The following CNTNAP2 variants were observed in gnomAD, a reference collection of about 807,000 sequenced individuals.
The protein encoded by CNTNAP2 is contactin-associated protein-like 2.
Under a neutral mutation model 155.2 loss-of-function variants are expected in CNTNAP2, and 98 were observed. The observed-to-expected ratio is 0.63, with a 90% CI of 0.54 to 0.75. CNTNAP2 has a LOEUF of 0.75. Among genes scored for constraint, CNTNAP2 ranks in the 30% least tolerant of loss-of-function variants. The pLI is 0.00. For synonymous variants in CNTNAP2, 651 were observed against 631.2 expected, an observed-to-expected ratio of 1.03 and a Z score of -0.47; for missense variants, 1,727 against 1,688.1, an observed-to-expected ratio of 1.02 and a Z score of -0.40.
intron 1 of CNTNAP2, among the ~76,000 whole-genome samples, chr7:146,421,803 A>T (rs1205288651): frequency 1.3e-5 from 2 of 151,950 alleles, no homozygotes; most frequent in Non-Finnish European, 2.9e-5. Context: ...TCTTTCACAG[A>T]AGTAACTAAA....
intron 1 of CNTNAP2, among the ~76,000 whole-genome samples, chr7:146,754,534 GTCTCTCTC>G (rs71525968): frequency 4.9e-5 from 7 of 143,342 alleles, no homozygotes; most frequent in Non-Finnish European, 1.1e-4. Flanking sequence ...GGTTGTTAGA[GTCTCTCTC>G]TCTCTCTCTC....
At chr7:146,569,970 A>G (rs1798416405) in intron 1 of CNTNAP2, among the ~76,000 whole-genome samples, 1 of 152,174 alleles carries the variant, frequency 6.6e-6, no homozygotes. Context: ...CCCAAGGCCT[A>G]TTTCAGGGGC....
chr7:147,034,563 C>T (rs1799109999), intron 3 of CNTNAP2, among the ~76,000 whole-genome samples: 1 of 152,214 alleles, frequency 6.6e-6, no homozygotes. Flanking sequence ...CCCTGCCTTA[C>T]TGCAAGGACA....
chr7:146,373,293 C>T (rs1168461021), intron 1 of CNTNAP2, among the ~76,000 whole-genome samples: 1 of 152,102 alleles, frequency 6.6e-6, no homozygotes, highest in Non-Finnish European at 1.5e-5. Context: ...TTTGGTGCCT[C>T]GCCTTAAGCC....
At chr7:146,292,453 A>C (rs1342942637) in intron 1 of CNTNAP2, among the ~76,000 whole-genome samples, 1 of 152,210 alleles carries the variant, frequency 6.6e-6, no homozygotes, top group Non-Finnish European at 1.5e-5. Context: ...TTAAAAAATG[A>C]GTGTTATCAA....
intron 13 of CNTNAP2, among the ~76,000 whole-genome samples, chr7:147,902,341 A>G (rs1248093709): frequency 1.3e-5 from 2 of 152,188 alleles, no homozygotes; most frequent in African/African-American, 4.8e-5. Context: ...TGTGATATAT[A>G]CTTTTGAAAA....
chr7:146,932,203 A>T (rs890800230), intron 3 of CNTNAP2, among the ~76,000 whole-genome samples: 16 of 152,332 alleles, frequency 1.1e-4, no homozygotes, highest in African/African-American at 3.8e-4. Flanking sequence ...ATATTGGCAA[A>T]CTGAATCCAG....
intron 1 of CNTNAP2, among the ~76,000 whole-genome samples, chr7:146,193,377 G>A (rs1382007986): frequency 6.6e-6 from 1 of 152,188 alleles, no homozygotes; most frequent in Non-Finnish European, 1.5e-5. Flanking sequence ...ACCTGGACAT[G>A]CAAGGGTTTC....
chr7:147,312,417 CG>C (rs1795144072), intron 9 of CNTNAP2, among the ~76,000 whole-genome samples: 1 of 136,382 alleles, frequency 7.3e-6, no homozygotes, highest in Non-Finnish European at 1.5e-5. Context: ...CCCCCTCCCC[CG>C]ACCCCACAAC....
chr7:146,147,800 A>G (rs1297995810), intron 1 of CNTNAP2, among the ~76,000 whole-genome samples: 1 of 152,148 alleles, frequency 6.6e-6, no homozygotes, highest in Non-Finnish European at 1.5e-5. Flanking sequence ...CCATTAGGAA[A>G]TTTCATTTTC....
intron 3 of CNTNAP2, among the ~76,000 whole-genome samples, chr7:146,857,976 C>T (rs185294776): frequency 1.3e-5 from 2 of 152,140 alleles, no homozygotes; most frequent in African/African-American, 4.8e-5. Flanking sequence ...CTCAAAAGCA[C>T]CAACAAGTCA....
intron 1 of CNTNAP2, among the ~76,000 whole-genome samples, chr7:146,565,386 A>ATT (rs983543439): frequency 6.7e-6 from 1 of 149,144 alleles, no homozygotes; most frequent in African/African-American, 2.5e-5. Flanking sequence ...ATTCATAGCC[A>ATT]TTTTTTTTTT....
At position 146,368,941 on chromosome 7, in the gene CNTNAP2, C is replaced by T. The variant is rs191999627; in HGVS notation, c.97+251968C>T. Among the ~76,000 whole-genome samples, 13 of 149,018 alleles carry T rather than the reference C, an allele frequency of 8.7e-5. No individual in the cohort carries two copies. In the East Asian group the frequency reaches 2.5e-3, roughly 29 times the overall value. On this transcript the variant is annotated intron_variant, in intron 1 of 23. Transcript: ENST00000361727. ...ACTTGTGTTATTGAATTAAGCCAGC[C>T]AGTCAAAAGCTTGAAATTAAACATA...
chr7:147,624,629 G>A (rs1429927138), intron 12 of CNTNAP2, among the ~76,000 whole-genome samples: 2 of 152,090 alleles, frequency 1.3e-5, no homozygotes, highest in Non-Finnish European at 2.9e-5. Context: ...TGAGGATATG[G>A]GGAACAGGAA....
chr7:147,778,877 G>T (rs1797625812), intron 13 of CNTNAP2, among the ~76,000 whole-genome samples: 1 of 152,090 alleles, frequency 6.6e-6, no homozygotes, highest in South Asian at 2.1e-4. Flanking sequence ...ACAAACATAG[G>T]AATTTTCTTA....
At chr7:146,929,831 G>A (rs985781148) in intron 3 of CNTNAP2, among the ~76,000 whole-genome samples, 1 of 152,306 alleles carries the variant, frequency 6.6e-6, no homozygotes. Context: ...CCGGAAGAAA[G>A]GGTATCAGTG....
intron 1 of CNTNAP2, among the ~76,000 whole-genome samples, chr7:146,388,075 T>C (rs1279336537): frequency 2.0e-5 from 3 of 151,754 alleles, no homozygotes; most frequent in Non-Finnish European, 4.4e-5. Flanking sequence ...TCTCTTGATA[T>C]GTTTTAGTTT....
intron 1 of CNTNAP2, among the ~76,000 whole-genome samples, chr7:146,315,318 C>T (rs552937308): frequency 6.6e-6 from 1 of 152,224 alleles, no homozygotes; most frequent in South Asian, 2.1e-4. Flanking sequence ...GATCTAAGAG[C>T]CCCTCCCCCT....
intron 2 of CNTNAP2, among the ~76,000 whole-genome samples, chr7:146,795,474 G>A (rs961364960): frequency 4.6e-5 from 7 of 152,208 alleles, no homozygotes. Context: ...TAGCAAGGGA[G>A]TGGAAAGTGG....
Sources: gnomAD v4.1 joint callset for allele counts (sites outside exome capture counted in the v4.1 genomes callset) on GRCh38, gnomAD v4.1.1 for gene constraint, MANE v1.5 for transcripts, NCBI Gene and HGNC (gene_info 2026-07-23, HGNC 2026-07-21) for gene names.